Variants in VPS13B observed in about 807,000 individuals in gnomAD.
VPS13B encodes the protein vacuolar protein sorting 13 homolog B, also known as intermembrane lipid transfer protein VPS13B.
A neutral mutation model predicts 426.4 loss-of-function variants in VPS13B; 285 were observed. The ratio of observed to expected loss-of-function variants is 0.67; its 90% confidence interval spans 0.61 to 0.74. The LOEUF is 0.74. Among genes scored for constraint, VPS13B ranks in the 30% least tolerant of loss-of-function variants. The pLI, the probability that VPS13B is intolerant of heterozygous loss-of-function variation, is 0.00. For missense variants in VPS13B, 4,537 were observed against 4,782.6 expected, an observed-to-expected ratio of 0.95 and a Z score of 1.51; for synonymous variants, 1,676 against 1,676.4, an observed-to-expected ratio of 1.00 and a Z score of 0.01.
chr8:99,470,822 A>G (rs1473510827), intron 24 of VPS13B, among the ~76,000 whole-genome samples: 2 of 152,088 alleles, frequency 1.3e-5, no homozygotes, highest in Non-Finnish European at 2.9e-5. Context: ...AACAGGATAA[A>G]CCCAAAGTAA....
At chr8:99,495,841 T>G (rs1820854083) in intron 25 of VPS13B, among the ~76,000 whole-genome samples, 1 of 152,192 alleles carries the variant, frequency 6.6e-6, no homozygotes, top group African/African-American at 2.4e-5. Context: ...ATTCTTAGCT[T>G]ATTAATATTC....
chr8:99,483,273 CTCTTTTT>C (rs1417739812), intron 25 of VPS13B, among the ~76,000 whole-genome samples: 1 of 152,122 alleles, frequency 6.6e-6, no homozygotes, highest in Admixed American at 6.5e-5. Flanking sequence ...ATTATTCTTT[CTCTTTTT>C]TCTTTTTTCT....
intron 33 of VPS13B, among the ~76,000 whole-genome samples, chr8:99,621,509 A>T (rs1484343534): frequency 4.6e-5 from 7 of 152,118 alleles, no homozygotes; most frequent in Non-Finnish European, 1.0e-4. Flanking sequence ...ACTTTTTTAT[A>T]ACATGTAATA....
intron 19 of VPS13B, among the ~76,000 whole-genome samples, chr8:99,328,883 T>C (rs1029256342): frequency 1.3e-5 from 2 of 152,038 alleles, no homozygotes; most frequent in Non-Finnish European, 2.9e-5. Flanking sequence ...GAAAGGAAAA[T>C]CTACTTTACG....
chr8:99,507,329 C>T, intron 28 of VPS13B, 126 bp downstream of exon 28: 2 of 1,004,346 alleles, frequency 2.0e-6, no homozygotes, highest in Non-Finnish European at 3.0e-6. Context: ...TAGCCTGTTT[C>T]TTCAAAATTA....
intron 3 of VPS13B, among the ~76,000 whole-genome samples, chr8:99,044,799 A>G (rs1294559259): frequency 6.6e-6 from 1 of 151,120 alleles, no homozygotes; most frequent in Non-Finnish European, 1.5e-5. Context: ...CCTCCAGGTC[A>G]CTACAAATGC....
chr8:99,061,534 T>C (rs1844190261), intron 3 of VPS13B, among the ~76,000 whole-genome samples: 1 of 151,838 alleles, frequency 6.6e-6, no homozygotes, highest in East Asian at 1.9e-4. Context: ...CATATTTTAC[T>C]GGTCCCATCT....
Position 99,147,875 on chromosome 8 carries a change from T to A in VPS13B, c.1878T>A (p.Pro626=). 1 of 1,605,954 alleles carries A rather than the reference T, an allele frequency of 6.2e-7. No homozygotes were observed. The highest frequency in any genetic ancestry group is 8.5e-7 in the Non-Finnish European group (1 of 1,176,292). The change falls in exon 14 of 62, where the codon CCT becomes CCA. Residue 626 remains proline, a synonymous_variant. Coordinates refer to ENST00000357162, the MANE Select transcript of VPS13B (RefSeq NM_152564.5). ...IKDENETILN[P]EEVALLEEYI... is the part of the protein sequence containing the mutation. The stretch of plus-strand genomic sequence containing the variant: ...ATGAAAATGAAACAATACTGAATCC[T>A]GAAGAGGTGGCTCTTCTGGAGGAAT...
chr8:99,503,373 T>C (rs1821340227), intron 27 of VPS13B, among the ~76,000 whole-genome samples: 1 of 152,172 alleles, frequency 6.6e-6, no homozygotes, highest in South Asian at 2.1e-4. Context: ...TGCTGAAGGT[T>C]AGGGTAGCTG....
At position 99,778,904 on chromosome 8, in the gene VPS13B, A is replaced by T. The variant is rs1474095742; in HGVS notation, c.7652A>T (p.Gln2551Leu). 1 of 1,614,018 alleles carries T rather than the reference A, an allele frequency of 6.2e-7. No homozygotes were observed. Among genetic ancestry groups the T allele is most frequent in the South Asian group, 1.1e-5 (1 of 91,080 alleles). ...SVVKPFSIFG[Q>L]MAVSSDVVEK... is the part of the protein sequence containing the mutation. ...GTGAAACCCTTCAGCATCTTCGGGC[A>T]GATGGCAGTTTCCAGCGATGTAGTG... Residue 2551 changes from glutamine (Q) to leucine (L), a missense_variant, in exon 42 of 62, where the codon CAG (glutamine) becomes CTG (leucine). Physicochemically the swap from Gln to Leu is moderately radical, Grantham distance 113. Around this residue, in one of 2 missense-constraint regions of VPS13B, gnomAD observed 4,311 missense variants for 4,474.3 expected, o/e 0.96. Transcript: ENST00000357162.
intron 23 of VPS13B, among the ~76,000 whole-genome samples, chr8:99,456,547 T>C (rs1336294597): frequency 3.3e-5 from 5 of 152,224 alleles, no homozygotes; most frequent in Non-Finnish European, 5.9e-5. Flanking sequence ...TGACATCATG[T>C]GGTTTCTATA....
Position 99,170,274 on chromosome 8 carries a change from G to A in VPS13B, c.2333+111G>A, listed in dbSNP as rs1812252347. On this transcript the variant is annotated intron_variant, in intron 16 of 61. Transcript: ENST00000357162. ...CATGCTAGTTTTATACAAAACTTTA[G>A]AAAAAAAATCTAAACTTGTACTTTT... 4.4e-6 allele frequency: 6 copies of A among 1,356,142 alleles called. No individual in the cohort carries two copies. The Admixed American group carries it at 6.7e-5, about 15-fold the overall frequency. The allele number at this position is 1,356,142 out of a possible 1,614,324, so 84.0% of individuals were successfully genotyped here.
chr8:99,160,416 TGA>T (rs1247796593), intron 15 of VPS13B, among the ~76,000 whole-genome samples: 3 of 152,164 alleles, frequency 2.0e-5, no homozygotes, highest in Non-Finnish European at 4.4e-5. Flanking sequence ...CTCAGCACTT[TGA>T]GAGTCTGAGG....
At chr8:99,441,269 A>G (rs1029668349) in intron 22 of VPS13B, among the ~76,000 whole-genome samples, 1 of 152,120 alleles carries the variant, frequency 6.6e-6, no homozygotes, top group Admixed American at 6.6e-5. Context: ...TTGACAAATT[A>G]TTTATCCTAT....
At chr8:99,553,286 A>T (rs1824379802) in intron 30 of VPS13B, among the ~76,000 whole-genome samples, 1 of 152,108 alleles carries the variant, frequency 6.6e-6, no homozygotes, top group Admixed American at 6.6e-5. Flanking sequence ...AATACTTTAG[A>T]TTTGTTAAAG....
intron 24 of VPS13B, among the ~76,000 whole-genome samples, chr8:99,478,482 T>G (rs1489581020): frequency 3.4e-5 from 5 of 148,136 alleles, no homozygotes; most frequent in African/African-American, 9.9e-5. Context: ...TGTTTTTTTT[T>G]TTTTGCCGAG....
rs903527560 is a variant in VPS13B at position 99,876,439 on chromosome 8, C to CTT, written c.*775_*776dup. 9 of 152,408 alleles carry CTT rather than the reference C, an allele frequency of 5.9e-5. 1 individual carries two copies. The highest frequency in any genetic ancestry group is 2.1e-4 in the South Asian group (1 of 4,832). The allele number at this position is 152,408 out of a possible 1,614,324, so 9.4% of individuals were successfully genotyped here. A position where few individuals can be genotyped will look rare whatever the true frequency, so the allele number is the denominator to read the frequency against. On this transcript the variant is annotated 3_prime_UTR_variant, in exon 62 of 62. Transcript: ENST00000357162. ...CTTCCAGTTTGTTTTACTAAGCAAA[C>CTT]TTTGAGTAAATCCTTTGTCCTATAT...
intron 17 of VPS13B, among the ~76,000 whole-genome samples, chr8:99,218,352 T>G (rs949398475): frequency 3.3e-5 from 5 of 152,198 alleles, no homozygotes; most frequent in Admixed American, 2.0e-4. Context: ...TCTGCACTGT[T>G]TTTTCTGATC....
intron 19 of VPS13B, among the ~76,000 whole-genome samples, chr8:99,378,134 G>GC (rs57177303): frequency 0.038 from 2,705 of 70,384 alleles, 211 homozygotes; most frequent in African/African-American, 0.068. Flanking sequence ...CCATTTTAGA[G>GC]CCCCCCCCCC....
Sources: allele counts gnomAD v4.1 joint callset (sites outside exome capture counted in the v4.1 genomes callset), GRCh38; gene constraint gnomAD v4.1.1; regional missense constraint gnomAD v4.1.1; transcripts MANE v1.5; gene names NCBI Gene and HGNC (gene_info 2026-07-23, HGNC 2026-07-21).